TRAF4: variants seen among roughly 807,000 people sequenced by gnomAD.
The protein encoded by TRAF4 is TNF receptor-associated factor 4.
Under a neutral mutation model 47.3 loss-of-function variants are expected in TRAF4, and 9 were observed. The observed-to-expected ratio is 0.19, with a 90% CI of 0.11 to 0.33. The LOEUF is 0.33. Ranked by LOEUF, TRAF4 falls within the 10% of genes least tolerant of loss-of-function variation. The pLI is 1.00. For synonymous variants in TRAF4, 236 were observed against 236.9 expected (o/e 1.00, Z 0.04); for missense variants, 448 against 620.3 (o/e 0.72, Z 2.95).
Position 28,749,206 on chromosome 17 carries a change from G to A in TRAF4, c.1042G>A (p.Val348Met). Residue 348 changes from valine (V) to methionine (M), a missense_variant, in exon 7 of 7, where the codon GTG becomes ATG. Transcript: ENST00000262395. ...ACATAAGTATGGTTACAAGCTGCAG[G>A]TGTCTGCATTCCTCAATGGCAATGG... Reference protein sequence around the residue: ...YTHKYGYKLQVSAFLNGNGSG... With the variant: ...YTHKYGYKLQMSAFLNGNGSG... 6.2e-7 allele frequency: 1 copy of A among 1,614,142 alleles called. No individual in the cohort carries two copies. The highest frequency in any genetic ancestry group is 8.5e-7 in the Non-Finnish European group (1 of 1,180,050).
In TRAF4 at chr17:28,750,808, T is replaced by C. The variant is rs1015047431; in HGVS notation, c.*1231T>C. ...TTAAACTCCAGTAGTCCCTAGAAATTGTAGCTCCCTCTAGTTGTGGCAATA... is the reference window on the plus strand; with the variant it reads ...TTAAACTCCAGTAGTCCCTAGAAATCGTAGCTCCCTCTAGTTGTGGCAATA... On this transcript the variant is annotated 3_prime_UTR_variant, in exon 7 of 7. Transcript: ENST00000262395. 6 of 152,204 alleles carry C rather than the reference T, an allele frequency of 3.9e-5. No individual in the cohort carries two copies. Among genetic ancestry groups the C allele is most frequent in the Non-Finnish European group, 7.3e-5 (5 of 68,036 alleles). 9.4% of individuals were successfully genotyped at this position (152,204 alleles called of 1,614,324 possible). A position where few individuals can be genotyped will look rare whatever the true frequency, so the allele number is the denominator to read the frequency against.
At chr17:28,745,162 G>T (rs2151736571) in intron 1 of TRAF4, 1 of 152,588 alleles carries the variant, frequency 6.6e-6, no homozygotes, top group South Asian at 2.1e-4. Context: ...GGGATCGAGG[G>T]CCTGGCAGGG....
intron 1 of TRAF4, chr17:28,745,096 C>T (rs2034489229): frequency 6.6e-6 from 1 of 152,570 alleles, no homozygotes. Flanking sequence ...AGGTCATGCC[C>T]CCAGAGCGCA....
chr17:28,746,855 A>T, intron 1 of TRAF4: 1 of 201,174 alleles, frequency 5.0e-6, no homozygotes, highest in Non-Finnish European at 1.0e-5. Flanking sequence ...GTCAGCTTTC[A>T]GCGCAGCCAA....
rs2034559839 is a variant in TRAF4 at position 28,748,995 on chromosome 17, T to C, written c.831T>C (p.His277=). Reference sequence around the variant, plus strand: ...ATGTGGAGGAGAGTGTGAAGCCACATCTGGCCATGATGTGTGCCCTGGTGA... The same window carrying C: ...ATGTGGAGGAGAGTGTGAAGCCACACCTGGCCATGATGTGTGCCCTGGTGA... ...ARHVEESVKP[H]LAMMCALVSR... is the part of the protein sequence containing the mutation. The change falls in exon 7 of 7, where the codon CAT becomes CAC. Residue 277 remains histidine, a synonymous_variant. Coordinates refer to ENST00000262395, the MANE Select transcript of TRAF4 (RefSeq NM_004295.4). 1 of 1,613,436 alleles carries C rather than the reference T, an allele frequency of 6.2e-7. No homozygotes were observed. The highest frequency in any genetic ancestry group is 1.3e-5 in the African/African-American group (1 of 74,934).
In TRAF4 at chr17:28,750,029, G is replaced by A. The variant is rs1460073298; in HGVS notation, c.*452G>A. 3.3e-6 allele frequency: 2 copies of A among 600,426 alleles called. No homozygotes were observed. Among genetic ancestry groups the A allele is most frequent in the African/African-American group, 1.9e-5 (1 of 53,978 alleles). The allele number at this position is 600,426 out of a possible 1,614,324, so 37.2% of individuals were successfully genotyped here. On this transcript the variant is annotated 3_prime_UTR_variant, in exon 7 of 7. Transcript: ENST00000262395. ...TTATTTATTTCCTTAGTGCCAGGAG[G>A]GCACAGCAGGGGAGCCCTGATTTTT...
chr17:28,749,998 C>A lies in TRAF4; in HGVS notation c.*421C>A, dbSNP rs1258602652. The A allele has an allele frequency of 3.2e-6, 2 of 630,506 alleles. No individual in the cohort carries two copies. The highest frequency in any genetic ancestry group is 3.5e-5 in the South Asian group (2 of 57,560). The allele number at this position is 630,506 out of a possible 1,614,324, so 39.1% of individuals were successfully genotyped here. ...TTCCCCCTTTACCTAGCTGTGCCCC[C>A]TCTGGTTATTTATTTCCTTAGTGCC... is the stretch of plus-strand genomic sequence containing the variant. On this transcript the variant is annotated 3_prime_UTR_variant, in exon 7 of 7. Transcript: ENST00000262395.
chr17:28,747,832 C>G lies in TRAF4; in HGVS notation c.196-11C>G. On this transcript the variant is annotated splice_polypyrimidine_tract_variant and intron_variant, in intron 2 of 6. Coordinates refer to ENST00000262395, the MANE Select transcript of TRAF4 (RefSeq NM_004295.4). ...TCTGACCCTGGCCAGTTCCCCCATCCCTACCCCCAGATCTACCCAGACCCG... is the reference window on the plus strand; with the variant it reads ...TCTGACCCTGGCCAGTTCCCCCATCGCTACCCCCAGATCTACCCAGACCCG... 6.2e-7 allele frequency: 1 copy of G among 1,611,638 alleles called. No individual in the cohort carries two copies. Among genetic ancestry groups the G allele is most frequent in the Non-Finnish European group, 8.5e-7 (1 of 1,179,142 alleles).
rs1158718830 is a variant in TRAF4 at position 28,748,002 on chromosome 17, C to T, written c.301-15C>T. Reference sequence around the variant, plus strand: ...CCTCTCCCTTGGCAGGCACTAATTGCAGCCTTCCCACCAGGGCCACCTGAA... The same window carrying T: ...CCTCTCCCTTGGCAGGCACTAATTGTAGCCTTCCCACCAGGGCCACCTGAA... On this transcript the variant is annotated splice_polypyrimidine_tract_variant and intron_variant, in intron 3 of 6. Coordinates refer to ENST00000262395, the MANE Select transcript of TRAF4 (RefSeq NM_004295.4). 6.2e-7 allele frequency: 1 copy of T among 1,614,124 alleles called. No individual in the cohort carries two copies. The highest frequency in any genetic ancestry group is 1.3e-5 in the African/African-American group (1 of 75,050).
chr17:28,749,892 T>G lies in TRAF4; in HGVS notation c.*315T>G. 3 of 701,674 alleles carry G rather than the reference T, an allele frequency of 4.3e-6. No homozygotes were observed. The South Asian group carries it at 4.4e-5, about 10-fold the overall frequency. 43.5% of individuals were successfully genotyped at this position (701,674 alleles called of 1,614,324 possible). A position where few individuals can be genotyped will look rare whatever the true frequency, so the allele number is the denominator to read the frequency against. ...CGGACTGAGGTGCCTGCTCAGGTGC[T>G]ATGTCCCAAGAGCCATAAGGGGGTG... On this transcript the variant is annotated 3_prime_UTR_variant, in exon 7 of 7. Transcript: ENST00000262395.
In TRAF4 at chr17:28,749,318, G is replaced by A. The variant is rs1406384982; in HGVS notation, c.1154G>A (p.Arg385His). 11 of 1,613,926 alleles carry A rather than the reference G, an allele frequency of 6.8e-6. No individual in the cohort carries two copies. Among genetic ancestry groups the A allele is most frequent in the African/African-American group, 1.3e-5 (1 of 74,914 alleles). Residue 385 changes from arginine (R) to histidine (H), a missense_variant, in exon 7 of 7, where the codon CGT (arginine) becomes CAT (histidine). Transcript: ENST00000262395. ...CTCCTTGAGTGGCCCTTTGCCCGCCGTGTCACCTTCTCCCTGCTGGATCAG... is the reference window on the plus strand; with the variant it reads ...CTCCTTGAGTGGCCCTTTGCCCGCCATGTCACCTTCTCCCTGCTGGATCAG... ...DNLLEWPFAR[R>H]VTFSLLDQSD...
At position 28,749,167 on chromosome 17, in the gene TRAF4, C is replaced by T; in HGVS notation, c.1003C>T (p.Pro335Ser). 1 of 1,614,098 alleles carries T rather than the reference C, an allele frequency of 6.2e-7. No homozygotes were observed. The highest frequency in any genetic ancestry group is 8.5e-7 in the Non-Finnish European group (1 of 1,180,052). The change falls in exon 7 of 7, where the codon CCA becomes TCA. Residue 335 changes from proline to serine, a missense_variant. Coordinates refer to ENST00000262395, the MANE Select transcript of TRAF4 (RefSeq NM_004295.4). ...KAKPNLECFSPAFYTHKYGYK... is the reference protein window; with the variant it reads ...KAKPNLECFSSAFYTHKYGYK... The stretch of plus-strand genomic sequence containing the variant: ...CAAGCCCAACCTTGAGTGCTTCAGC[C>T]CAGCCTTCTACACACATAAGTATGG...
chr17:28,748,442 T>G lies in TRAF4; in HGVS notation c.624+19T>G, dbSNP rs778724333. On this transcript the variant is annotated intron_variant, in intron 5 of 6. Transcript: ENST00000262395. ...CATCCAGGTGAGGCCTTCCCTGAAC[T>G]GTGGGTTGCAGGGTAGGTGACAGGT... 6.2e-7 allele frequency: 1 copy of G among 1,606,312 alleles called. No homozygotes were observed.
intron 6 of TRAF4, 138 bp downstream of exon 6, chr17:28,748,804 C>T: frequency 6.7e-7 from 1 of 1,482,140 alleles, no homozygotes; most frequent in Non-Finnish European, 8.9e-7. Flanking sequence ...GCTGCCAGCT[C>T]CAGCCTCTTC....
chr17:28,749,634 G>C lies in TRAF4; in HGVS notation c.*57G>C. On this transcript the variant is annotated 3_prime_UTR_variant, in exon 7 of 7. Transcript: ENST00000262395. The stretch of plus-strand genomic sequence containing the variant: ...GGGGCATGACCTCAGTCAGGCACTG[G>C]CTGAACTTGGAGAGGGGGCCGGACC... 6.3e-7 allele frequency: 1 copy of C among 1,583,698 alleles called. No individual in the cohort carries two copies. The highest frequency in any genetic ancestry group is 8.6e-7 in the Non-Finnish European group (1 of 1,163,864).
In TRAF4 at chr17:28,747,912, G is replaced by T; in HGVS notation, c.265G>T (p.Gly89Cys). 6.2e-7 allele frequency: 1 copy of T among 1,614,112 alleles called. No individual in the cohort carries two copies. ...LPIRCIHSEE[G>C]CRWSGPLRHL... is the part of the protein sequence containing the mutation. Reference sequence around the variant, plus strand: ...TATCCGCTGCATCCACAGTGAGGAGGGCTGCCGCTGGAGTGGGCCACTACG... The same window carrying T: ...TATCCGCTGCATCCACAGTGAGGAGTGCTGCCGCTGGAGTGGGCCACTACG... Residue 89 changes from glycine (G) to cysteine (C), a missense_variant, in exon 3 of 7, where the codon GGC (glycine) becomes TGC (cysteine). By Grantham distance (159) the Gly-to-Cys change is radical. Coordinates refer to ENST00000262395, the MANE Select transcript of TRAF4 (RefSeq NM_004295.4).
chr17:28,746,493 C>T (rs554632753), intron 1 of TRAF4, among the ~76,000 whole-genome samples: 1 of 152,300 alleles, frequency 6.6e-6, no homozygotes, highest in South Asian at 2.1e-4. Flanking sequence ...GACATTTTTC[C>T]TTGCCCCAGC....
Position 28,748,960 on chromosome 17 carries a change from A to G in TRAF4, c.796A>G (p.Met266Val). 1 of 1,611,362 alleles carries G rather than the reference A, an allele frequency of 6.2e-7. No individual in the cohort carries two copies. Among genetic ancestry groups the G allele is most frequent in the Non-Finnish European group, 8.5e-7 (1 of 1,178,768 alleles). Residue 266 changes from methionine (M) to valine (V), a missense_variant, in exon 7 of 7, where the codon ATG becomes GTG. Transcript: ENST00000262395. ...TTGCCAACAGTGCCCTAAGCTGGCA[A>G]TGGCACGGCATGTGGAGGAGAGTGT... Reference protein sequence around the residue: ...GCKHRCPKLAMARHVEESVKP... With the variant: ...GCKHRCPKLAVARHVEESVKP...
At position 28,744,138 on chromosome 17, in the gene TRAF4, T is replaced by C; in HGVS notation, c.26T>C (p.Leu9Pro). ...ATGCCTGGCTTCGACTACAAGTTCC[T>C]GGAGAAGCCCAAGCGACGGCTGCTG... The part of the protein sequence containing the change: MPGFDYKF[L>P]EKPKRRLLCP... The change falls in exon 1 of 7, where the codon CTG becomes CCG. Residue 9 changes from leucine to proline, a missense_variant. Coordinates refer to ENST00000262395, the MANE Select transcript of TRAF4 (RefSeq NM_004295.4). 1.3e-6 allele frequency: 2 copies of C among 1,589,852 alleles called. No homozygotes were observed. Among genetic ancestry groups the C allele is most frequent in the Non-Finnish European group, 1.7e-6 (2 of 1,176,024 alleles).
Sources: gnomAD v4.1 joint callset for allele counts (sites outside exome capture counted in the v4.1 genomes callset) on GRCh38, gnomAD v4.1.1 for gene constraint, MANE v1.5 for transcripts, NCBI Gene and HGNC (gene_info 2026-07-23, HGNC 2026-07-21) for gene names.